Variants in HMGXB4 observed in about 807,000 individuals in gnomAD.
The protein encoded by HMGXB4 is HMG-box containing 4, also known as HMG domain-containing protein 4.
In HMGXB4, 27 loss-of-function variants were observed where a neutral mutation model predicts 63.9. The observed-to-expected ratio is 0.42, with a 90% CI of 0.31 to 0.58. The LOEUF (loss-of-function observed/expected upper bound fraction) is 0.58. Among genes scored for constraint, HMGXB4 ranks in the 20% least tolerant of loss-of-function variants. HMGXB4 has a pLI of 0.13. For synonymous variants in HMGXB4, 264 were observed against 265.3 expected (o/e 0.99, Z 0.05); for missense variants, 624 against 700.7 (o/e 0.89, Z 1.24).
In HMGXB4 at chr22:35,263,204, A is replaced by G. The variant is rs1287631309; in HGVS notation, c.158A>G (p.Asn53Ser). 6.8e-6 allele frequency: 11 copies of G among 1,612,938 alleles called. No individual in the cohort carries two copies. The highest frequency in any genetic ancestry group is 9.3e-6 in the Non-Finnish European group (11 of 1,179,622). Reference sequence around the variant, plus strand: ...GAAGAAATTGCTGCTCAGGTCAGGAATTCTTCCAAGAAGAAGTTGAAGGTA... The same window carrying G: ...GAAGAAATTGCTGCTCAGGTCAGGAGTTCTTCCAAGAAGAAGTTGAAGGTA... ...EEEEIAAQVR[N>S]SSKKKLKDSE... The change falls in exon 3 of 11, where the codon AAT (asparagine) becomes AGT (serine). Residue 53 changes from asparagine (N) to serine (S), a missense_variant. This residue lies in a region of HMGXB4 where 472 missense variants were observed against 470.6 expected (regional missense o/e 1.00). Coordinates refer to ENST00000216106, the MANE Select transcript of HMGXB4 (RefSeq NM_001003681.3).
rs537958667 is a variant in HMGXB4, at chr22:35,268,906, C to T, written c.1215+3303C>T. Among the ~76,000 whole-genome samples, 176 of 152,256 alleles carry T rather than the reference C, an allele frequency of 1.2e-3. 1 individual carries two copies. Among genetic ancestry groups the T allele is most frequent in the African/African-American group, 4.1e-3 (169 of 41,554 alleles). On this transcript the variant is annotated intron_variant, in intron 5 of 10. Transcript: ENST00000216106. ...TTGAAGCTCTGCCCTCTTTGCAAGA[C>T]CTAATCAAATGCCACCTCTTCTAAG...
Position 35,263,882 on chromosome 22 carries a change from T to C in HMGXB4, c.259+8T>C, listed in dbSNP as rs746374222. 6.2e-7 allele frequency: 1 copy of C among 1,611,964 alleles called. No homozygotes were observed. The highest frequency in any genetic ancestry group is 1.1e-5 in the South Asian group (1 of 91,020). ...ATGATTACTACTATGGAGGTGAGGA[T>C]GGGAATGGGCAACAGGTGGGATAAA... On this transcript the variant is annotated splice_region_variant and intron_variant, in intron 4 of 10. Transcript: ENST00000216106.
At position 35,264,821 on chromosome 22, in the gene HMGXB4, A is replaced by G; in HGVS notation, c.433A>G (p.Lys145Glu). Residue 145 changes from lysine to glutamate, a missense_variant, in exon 5 of 11, where the codon AAG becomes GAG. This residue lies in a region of HMGXB4 where 472 missense variants were observed against 470.6 expected (regional missense o/e 1.00). Coordinates refer to ENST00000216106, the MANE Select transcript of HMGXB4 (RefSeq NM_001003681.3). ...CTCTTCAAGCCATTCGGAGAGTAAA[A>G]AGGAGCACCACAGGAAGAAAGTCAG... ...SGSSSHSESKKEHHRKKVSGS... is the reference protein window; with the variant it reads ...SGSSSHSESKEEHHRKKVSGS... The G allele has an allele frequency of 1.2e-6, 2 of 1,614,108 alleles. No homozygotes were observed. The highest frequency in any genetic ancestry group is 1.7e-6 in the Non-Finnish European group (2 of 1,179,992).
chr22:35,267,285 A>G (rs1923325194), intron 5 of HMGXB4, among the ~76,000 whole-genome samples: 1 of 151,978 alleles, frequency 6.6e-6, no homozygotes, highest in South Asian at 2.1e-4. Flanking sequence ...ATACTAAGTC[A>G]GGTTTTATTC....
intron 5 of HMGXB4, among the ~76,000 whole-genome samples, chr22:35,279,002 G>A (rs538882035): frequency 6.6e-6 from 1 of 151,952 alleles, no homozygotes; most frequent in East Asian, 1.9e-4. Flanking sequence ...AGCTATGATC[G>A]CACCACTGCA....
chr22:35,264,882 G>C lies in HMGXB4; in HGVS notation c.494G>C (p.Gly165Ala), dbSNP rs1053593. The C allele has an allele frequency of 1.2e-6, 2 of 1,613,780 alleles. No homozygotes were observed. Among genetic ancestry groups the C allele is most frequent in the Non-Finnish European group, 1.7e-6 (2 of 1,179,916 alleles). Residue 165 changes from glycine to alanine, a missense_variant, in exon 5 of 11, where the codon GGC becomes GCC. Around this residue, in one of 2 missense-constraint regions of HMGXB4, gnomAD observed 472 missense variants for 470.6 expected, o/e 1.00. Coordinates refer to ENST00000216106, the MANE Select transcript of HMGXB4 (RefSeq NM_001003681.3). ...GGGGAACTACCCCTAGAGGATGGTG[G>C]CTCCCACAAATCGAAAAAAATGAAA... ...SSGELPLEDG[G>A]SHKSKKMKPL... is the part of the protein sequence containing the mutation.
At chr22:35,292,208 T>C (rs1924972724) in intron 9 of HMGXB4, among the ~76,000 whole-genome samples, 1 of 152,180 alleles carries the variant, frequency 6.6e-6, no homozygotes, top group Non-Finnish European at 1.5e-5. Flanking sequence ...CCCAAGTATA[T>C]TATATCTATT....
chr22:35,243,186 C>T, the HMGXB4 span, among the ~76,000 whole-genome samples: 1 of 152,110 alleles, frequency 6.6e-6, no homozygotes, highest in African/African-American at 2.4e-5. Context: ...GCCTGGCCAA[C>T]ATGGTGAAAC....
chr22:35,253,144 A>AAAAAAAAAAAAAAAAAAAAAAAAAG (rs11282400), upstream of HMGXB4, among the ~76,000 whole-genome samples: 28 of 125,330 alleles, frequency 2.2e-4, no homozygotes, highest in Non-Finnish European at 3.1e-4. Flanking sequence ...AAAAAAAAAA[A>AAAAAAAAAAAAAAAAAAAAAAAAAG]AAAAAAGAAA....
At chr22:35,282,415 G>A (rs938106247) in intron 5 of HMGXB4, among the ~76,000 whole-genome samples, 1 of 152,096 alleles carries the variant, frequency 6.6e-6, no homozygotes, top group East Asian at 1.9e-4. Context: ...GCCCGCCTTG[G>A]CCTCCCAAAG....
chr22:35,249,215 C>G, the HMGXB4 span, among the ~76,000 whole-genome samples: 2 of 45,594 alleles, frequency 4.4e-5, 1 homozygote. Context: ...CCTACCACCA[C>G]GCCTGTCTAA....
chr22:35,277,282 T>C (rs1239620035), intron 5 of HMGXB4, among the ~76,000 whole-genome samples: 1 of 152,222 alleles, frequency 6.6e-6, no homozygotes, highest in Non-Finnish European at 1.5e-5. Context: ...TGTCATGCCT[T>C]CTTGTCTCAT....
chr22:35,277,836 C>G (rs1457937589), intron 5 of HMGXB4, among the ~76,000 whole-genome samples: 1 of 152,178 alleles, frequency 6.6e-6, no homozygotes, highest in Non-Finnish European at 1.5e-5. Flanking sequence ...TTTGTTACAA[C>G]TGATGAACCT....
At chr22:35,292,007 A>ATGT (rs1465701551) in intron 9 of HMGXB4, among the ~76,000 whole-genome samples, 1 of 152,230 alleles carries the variant, frequency 6.6e-6, no homozygotes, top group Non-Finnish European at 1.5e-5. Context: ...TGGCAGAGAA[A>ATGT]TGGATGCTCA....
At chr22:35,289,383 C>G (rs1341956567) in intron 9 of HMGXB4, among the ~76,000 whole-genome samples, 1 of 152,110 alleles carries the variant, frequency 6.6e-6, no homozygotes, top group East Asian at 1.9e-4. Context: ...TGCTTGAGCC[C>G]AGGAGCTCAA....
At chr22:35,247,737 GGTTT>G in the HMGXB4 span, among the ~76,000 whole-genome samples, 556 of 151,762 alleles carry the variant, frequency 3.7e-3, 1 homozygote, top group African/African-American at 0.011. Flanking sequence ...TTTTTTTGCT[GGTTT>G]GTTTGTTTGT....
intron 5 of HMGXB4, among the ~76,000 whole-genome samples, chr22:35,283,737 C>A (rs1924401496): frequency 6.6e-6 from 1 of 152,068 alleles, no homozygotes; most frequent in Non-Finnish European, 1.5e-5. Flanking sequence ...TTATAGTGAG[C>A]CAAGATTGCG....
intron 2 of HMGXB4, 42 bp downstream of exon 2, chr22:35,262,463 C>G: frequency 6.3e-7 from 1 of 1,579,544 alleles, no homozygotes; most frequent in Non-Finnish European, 8.7e-7. Flanking sequence ...AGGGGGTATC[C>G]TCTTCAATCC....
chr22:35,293,588 AT>A lies in HMGXB4; in HGVS notation c.1762-14del. 1.3e-6 allele frequency: 2 copies of A among 1,591,010 alleles called. No individual in the cohort carries two copies. Among genetic ancestry groups the A allele is most frequent in the Non-Finnish European group, 1.7e-6 (2 of 1,159,196 alleles). ...AAGGTACAGTACTCTTCAGTTGAAC[AT>A]TTTTCTTTGTTTTGCAGTCAAACAC... is the stretch of plus-strand genomic sequence containing the variant. On this transcript the variant is annotated intron_variant, in intron 10 of 10. Transcript: ENST00000216106.
Sources: gnomAD v4.1 joint callset for allele counts (sites outside exome capture counted in the v4.1 genomes callset) on GRCh38, gnomAD v4.1.1 for gene constraint, gnomAD v4.1.1 regional missense constraint, MANE v1.5 for transcripts, NCBI Gene and HGNC (gene_info 2026-07-23, HGNC 2026-07-21) for gene names.